The following EPHB1 variants were observed in gnomAD, a reference collection of about 807,000 sequenced individuals.
The protein encoded by EPHB1 is EPH receptor B1, also known as ephrin type-B receptor 1.
In EPHB1, 30 loss-of-function variants were observed where a neutral mutation model predicts 94.4. That is an observed-to-expected ratio of 0.32 (90% CI 0.24 to 0.43). The LOEUF (loss-of-function observed/expected upper bound fraction) is 0.43. Among genes scored for constraint, EPHB1 ranks in the 20% least tolerant of loss-of-function variants. The pLI, the probability that EPHB1 is intolerant of heterozygous loss-of-function variation, is 1.00. For missense variants in EPHB1, 1,055 were observed against 1,308.3 expected (o/e 0.81, Z 2.99); for synonymous variants, 522 against 489.1 (o/e 1.07, Z -0.89).
intron 9 of EPHB1, among the ~76,000 whole-genome samples, chr3:135,174,997 T>A (rs1941934517): frequency 6.6e-6 from 1 of 152,166 alleles, no homozygotes; most frequent in South Asian, 2.1e-4. Flanking sequence ...CATGTGGGTA[T>A]TCGTGATCTC....
intron 3 of EPHB1, among the ~76,000 whole-genome samples, chr3:135,012,939 A>G (rs1194877239): frequency 2.0e-5 from 3 of 152,226 alleles, no homozygotes; most frequent in Non-Finnish European, 2.9e-5. Context: ...TTGCATGTAC[A>G]TATTTTATTG....
intron 3 of EPHB1, among the ~76,000 whole-genome samples, chr3:135,081,768 A>G (rs1260879951): frequency 2.0e-5 from 3 of 152,106 alleles, no homozygotes; most frequent in African/African-American, 7.2e-5. Flanking sequence ...CCAGCGGACA[A>G]TCCACTCATG....
chr3:134,876,705 C>A (rs1177940332), intron 1 of EPHB1, among the ~76,000 whole-genome samples: 1 of 152,026 alleles, frequency 6.6e-6, no homozygotes, highest in Non-Finnish European at 1.5e-5. Flanking sequence ...GTGAGGATGG[C>A]GCCAAGTGTT....
At chr3:134,892,455 G>C (rs1350865772) in intron 1 of EPHB1, among the ~76,000 whole-genome samples, 7 of 152,356 alleles carry the variant, frequency 4.6e-5, no homozygotes, top group Non-Finnish European at 1.0e-4. Context: ...GGTTAACTCT[G>C]TCTTAAGAAG....
chr3:134,830,527 G>A (rs1450452672), intron 1 of EPHB1, among the ~76,000 whole-genome samples: 1 of 152,142 alleles, frequency 6.6e-6, no homozygotes, highest in East Asian at 1.9e-4. Flanking sequence ...TTTTGATCTG[G>A]AGATGGGGGT....
intron 9 of EPHB1, among the ~76,000 whole-genome samples, chr3:135,171,260 T>C (rs1218645263): frequency 1.3e-5 from 2 of 152,222 alleles, no homozygotes; most frequent in Non-Finnish European, 2.9e-5. Context: ...ATTTTTATTT[T>C]GAAAAAAATA....
At chr3:134,830,917 A>T (rs1407765769) in intron 1 of EPHB1, among the ~76,000 whole-genome samples, 2 of 152,216 alleles carry the variant, frequency 1.3e-5, no homozygotes, top group Non-Finnish European at 2.9e-5. Context: ...GATGAATGCC[A>T]AGTGGAAACC....
chr3:134,862,998 A>T (rs1288861891), intron 1 of EPHB1, among the ~76,000 whole-genome samples: 1 of 152,170 alleles, frequency 6.6e-6, no homozygotes, highest in Non-Finnish European at 1.5e-5. Context: ...TGGCTTTGCT[A>T]CAGGGCTTCC....
At position 134,807,227 on chromosome 3, in the gene EPHB1, A is replaced by C. The variant is rs2036079940; in HGVS notation, c.58+11538A>C. Among the ~76,000 whole-genome samples, 4 of 152,336 alleles carry C rather than the reference A, an allele frequency of 2.6e-5. No homozygotes were observed. In the South Asian group the frequency reaches 8.3e-4, roughly 32 times the overall value. ...ACTGCCTAGGAGCCACCAGTGTCAC[A>C]AGTACTCACACAGAACACATTTATT... On this transcript the variant is annotated intron_variant, in intron 1 of 15. Coordinates refer to ENST00000398015, the MANE Select transcript of EPHB1 (RefSeq NM_004441.5).
intron 3 of EPHB1, among the ~76,000 whole-genome samples, chr3:134,985,321 G>T (rs1217881113): frequency 6.6e-6 from 1 of 152,058 alleles, no homozygotes; most frequent in Non-Finnish European, 1.5e-5. Flanking sequence ...ACCACACCCG[G>T]CTAATTTTTG....
At chr3:135,225,526 G>A (rs1943374191) in intron 12 of EPHB1, among the ~76,000 whole-genome samples, 1 of 152,166 alleles carries the variant, frequency 6.6e-6, no homozygotes, top group Non-Finnish European at 1.5e-5. Context: ...CAGTTCATTA[G>A]CCTCATATAA....
intron 3 of EPHB1, among the ~76,000 whole-genome samples, chr3:134,973,752 T>C (rs1247264365): frequency 6.6e-6 from 1 of 152,106 alleles, no homozygotes; most frequent in African/African-American, 2.4e-5. Flanking sequence ...TCTTAAAAAA[T>C]AAATTATCTG....
At chr3:135,124,048 G>T (rs1049697338) in intron 4 of EPHB1, among the ~76,000 whole-genome samples, 2 of 151,642 alleles carry the variant, frequency 1.3e-5, no homozygotes, top group African/African-American at 4.9e-5. Context: ...TTATGAGTCT[G>T]CCTCCCCCAC....
At chr3:135,090,771 C>T (rs768133049) in intron 3 of EPHB1, among the ~76,000 whole-genome samples, 3 of 152,234 alleles carry the variant, frequency 2.0e-5, no homozygotes, top group Non-Finnish European at 4.4e-5. Flanking sequence ...GTCAAGACAG[C>T]TCTGATAATT....
chr3:134,940,932 G>A (rs903176057), intron 2 of EPHB1, among the ~76,000 whole-genome samples: 1 of 152,182 alleles, frequency 6.6e-6, no homozygotes, highest in African/African-American at 2.4e-5. Context: ...AATGAGCTGG[G>A]TTTGAAACAA....
At chr3:134,850,446 G>A (rs1046510390) in intron 1 of EPHB1, among the ~76,000 whole-genome samples, 1 of 152,188 alleles carries the variant, frequency 6.6e-6, no homozygotes, top group Non-Finnish European at 1.5e-5. Flanking sequence ...CTGAGAAAGA[G>A]GGATGTTTCC....
At position 134,922,879 on chromosome 3, in the gene EPHB1, T is replaced by C. The variant is rs187926512; in HGVS notation, c.59-2937T>C. ...CTTGAGAGAAAGCACTGCACCTTCC[T>C]GTACCCCGATTCCCAACTCCGCCAC... On this transcript the variant is annotated intron_variant, in intron 1 of 15. Transcript: ENST00000398015. Among the ~76,000 whole-genome samples, 30 of 152,350 alleles carry C rather than the reference T, an allele frequency of 2.0e-4. No homozygotes were observed. In the East Asian group the frequency reaches 5.8e-3, roughly 29 times the overall value.
rs765393605 is a variant in EPHB1, at chr3:135,249,408, C to A, written c.2763C>A (p.Ser921Arg). 2 of 1,614,026 alleles carry A rather than the reference C, an allele frequency of 1.2e-6. No homozygotes were observed. The highest frequency in any genetic ancestry group is 1.1e-5 in the South Asian group (1 of 91,078). The change falls in exon 15 of 16, where the codon AGC becomes AGA. Residue 921 changes from serine to arginine, a missense_variant. Physicochemically the swap from Ser to Arg is moderately radical, Grantham distance 110 (BLOSUM62 -1). Transcript: ENST00000398015. The part of the protein sequence containing the change: ...TAFTTVDDWL[S>R]AIKMVQYRDS... ...TTACCACCGTGGATGACTGGCTCAG[C>A]GCCATCAAAATGGTCCAGTACAGGG...
chr3:135,029,452 A>G (rs376187024), intron 3 of EPHB1, among the ~76,000 whole-genome samples: 20 of 147,400 alleles, frequency 1.4e-4, no homozygotes, highest in South Asian at 6.8e-4. Context: ...TTGCTTGTCT[A>G]TAAAGTATTT....
Sources: gnomAD v4.1 joint callset for allele counts (sites outside exome capture counted in the v4.1 genomes callset) on GRCh38, gnomAD v4.1.1 for gene constraint, MANE v1.5 for transcripts, NCBI Gene and HGNC (gene_info 2026-07-23, HGNC 2026-07-21) for gene names.